PLIN1: variants seen among roughly 807,000 people sequenced by gnomAD.
The protein encoded by PLIN1 is perilipin-1.
A neutral mutation model predicts 45.8 loss-of-function variants in PLIN1; 37 were observed. The observed-to-expected ratio is 0.81, with a 90% CI of 0.62 to 1.06. PLIN1 has a LOEUF of 1.06. Among genes scored for constraint, PLIN1 ranks in the 50% least tolerant of loss-of-function variants. The pLI, the probability that PLIN1 is intolerant of heterozygous loss-of-function variation, is 0.00. For missense variants in PLIN1, 776 were observed against 716.5 expected (o/e 1.08, Z -0.95); for synonymous variants, 340 against 309.2 (o/e 1.10, Z -1.05).
At position 89,671,468 on chromosome 15, in the gene PLIN1, T is replaced by C. The variant is rs1964438675; in HGVS notation, c.333+14A>G. 1.3e-6 allele frequency: 2 copies of C among 1,545,420 alleles called. No individual in the cohort carries two copies. The highest frequency in any genetic ancestry group is 1.8e-6 in the Non-Finnish European group (2 of 1,138,152). On this transcript the variant is annotated intron_variant, in intron 4 of 8. Coordinates refer to ENST00000300055, the MANE Select transcript of PLIN1 (RefSeq NM_002666.5). ...CAGAGTGCAGGGAGGCTTCGAGAGG[T>C]GGGAAGGGCTCACCTTTTCAGGGGG...
At chr15:89,667,256 A>G (rs1043317030) in intron 7 of PLIN1, 75 bp from the exon 8 acceptor site, 15 of 1,581,824 alleles carry the variant, frequency 9.5e-6, no homozygotes, top group African/African-American at 2.7e-5. Flanking sequence ...CCCCAGGGCT[A>G]GAGGGGAAAG....
rs1229501294 is a variant in PLIN1, at chr15:89,673,310, C to T, written c.150G>A (p.Leu50=). The change falls in exon 3 of 9, where the codon CTG becomes CTA. Residue 50 remains leucine (L), a synonymous_variant. Transcript: ENST00000300055. ...CATAGGCATTGCACACAGAGGCCAC[C>T]AGGGGGTGGGCTTCCTTAGTGCTGG... ...TYTSTKEAHP[L]VASVCNAYEK... 6.3e-7 allele frequency: 1 copy of T among 1,590,880 alleles called. No homozygotes were observed. Among genetic ancestry groups the T allele is most frequent in the Admixed American group, 1.8e-5 (1 of 57,070 alleles).
rs184366495 is a variant in PLIN1 at position 89,676,463 on chromosome 15, G to A, written c.45+982C>T. 8.1e-4 allele frequency among the ~76,000 whole-genome samples: 124 copies of A among 152,244 alleles called. No homozygotes were observed. The East Asian group carries it at 0.011, about 13-fold the overall frequency. On this transcript the variant is annotated intron_variant, in intron 2 of 8. Coordinates refer to ENST00000300055, the MANE Select transcript of PLIN1 (RefSeq NM_002666.5). ...GGGGTTTCACTGTGTTAGCCAGGAT[G>A]GTCTTGATCTCCTGACCTTGTGAAC... is the stretch of plus-strand genomic sequence containing the variant.
rs925913292 is a variant in PLIN1, at chr15:89,666,248, C to A, written c.1210-306G>T. ...CAGCTTTCCTAACTCTTCCTTGCAG[C>A]CCACACAGTGACCTGGCCAGGGACC... On this transcript the variant is annotated intron_variant, in intron 8 of 8. Coordinates refer to ENST00000300055, the MANE Select transcript of PLIN1 (RefSeq NM_002666.5). Among the ~76,000 whole-genome samples, 20 of 152,310 alleles carry A rather than the reference C, an allele frequency of 1.3e-4. No individual in the cohort carries two copies. The South Asian group carries it at 2.9e-3, about 22-fold the overall frequency.
At position 89,667,007 on chromosome 15, in the gene PLIN1, C is replaced by T. The variant is rs1463594561; in HGVS notation, c.1138G>A (p.Ala380Thr). Residue 380 changes from alanine (A) to threonine (T), a missense_variant, in exon 8 of 9, where the codon GCC becomes ACC. Physicochemically the swap from Ala to Thr is moderately conservative, Grantham distance 58 (BLOSUM62 0). Transcript: ENST00000300055. The part of the protein sequence containing the change: ...APAVSSTKGR[A>T]MSLSDALKGV... Reference sequence around the variant, plus strand: ...TTCAGGGCATCTGATAGGGACATGGCCCTCCCCTTGGTTGAGGAGACAGCA... The same window carrying T: ...TTCAGGGCATCTGATAGGGACATGGTCCTCCCCTTGGTTGAGGAGACAGCA... The T allele has an allele frequency of 6.2e-6, 10 of 1,614,078 alleles. No individual in the cohort carries two copies. In the African/African-American group the frequency reaches 6.7e-5, roughly 11 times the overall value.
At chr15:89,675,830 C>G (rs533344723) in intron 2 of PLIN1, among the ~76,000 whole-genome samples, 13 of 152,184 alleles carry the variant, frequency 8.5e-5, no homozygotes, top group Admixed American at 2.0e-4. Flanking sequence ...GATCCCACAG[C>G]TGATAAGTGG....
At chr15:89,677,721 C>A in intron 1 of PLIN1, 1 of 575,004 alleles carries the variant, frequency 1.7e-6, no homozygotes. Context: ...CTTGTCAAGA[C>A]TGATGTTTCT....
In PLIN1 at chr15:89,665,563, G is replaced by A. The variant is rs1665915361; in HGVS notation, c.*20C>T. 2.6e-6 allele frequency: 4 copies of A among 1,523,652 alleles called. No homozygotes were observed. The highest frequency in any genetic ancestry group is 2.6e-6 in the Non-Finnish European group (3 of 1,137,540). The allele number at this position is 1,523,652 out of a possible 1,614,324, so 94.4% of individuals were successfully genotyped here. A position where few individuals can be genotyped will look rare whatever the true frequency, so the allele number is the denominator to read the frequency against. ...TTAGAGAAACCCGCCGGCCCGGGGCGCGGCGGCTGGTGCGGCGACTCAGCT... is the reference window on the plus strand; with the variant it reads ...TTAGAGAAACCCGCCGGCCCGGGGCACGGCGGCTGGTGCGGCGACTCAGCT... On this transcript the variant is annotated 3_prime_UTR_variant, in exon 9 of 9. Transcript: ENST00000300055.
At chr15:89,671,632 T>C (rs1162310820) in intron 3 of PLIN1, 68 bp from the exon 4 acceptor site, 4 of 1,184,452 alleles carry the variant, frequency 3.4e-6, no homozygotes, top group Non-Finnish European at 4.9e-6. Context: ...GTGGCTTCTG[T>C]GCCAAGGAAG....
At chr15:89,675,942 T>C (rs1403072667) in intron 2 of PLIN1, among the ~76,000 whole-genome samples, 1 of 152,152 alleles carries the variant, frequency 6.6e-6, no homozygotes, top group Non-Finnish European at 1.5e-5. Flanking sequence ...GAGGCGGGAT[T>C]GGCCACGAAT....
At position 89,673,355 on chromosome 15, in the gene PLIN1, T is replaced by C. The variant is rs200393444; in HGVS notation, c.105A>G (p.Glu35=). The C allele has an allele frequency of 6.2e-7, 1 of 1,602,664 alleles. No homozygotes were observed. The highest frequency in any genetic ancestry group is 8.5e-7 in the Non-Finnish European group (1 of 1,174,478). The change falls in exon 3 of 9, where the codon GAA becomes GAG. Residue 35 remains glutamate, a synonymous_variant. Coordinates refer to ENST00000300055, the MANE Select transcript of PLIN1 (RefSeq NM_002666.5). ...LQLPVVSGTC[E]CFQKTYTSTK... is the part of the protein sequence containing the mutation. Reference sequence around the variant, plus strand: ...TGCTGGTGTAGGTCTTCTGGAAGCATTCGCAGGTGCCACTCACCACCGGCA... The same window carrying C: ...TGCTGGTGTAGGTCTTCTGGAAGCACTCGCAGGTGCCACTCACCACCGGCA...
chr15:89,667,128 C>T lies in PLIN1; in HGVS notation c.1017G>A (p.Leu339=), dbSNP rs537824890. ...AGATGGTGGTCTGGAGGGTCTTCTG[C>T]AGGGTATGTGCCACACCACCCAGGA... The part of the protein sequence containing the change: ...RGLLGGVAHT[L]QKTLQTTISA... Residue 339 remains leucine, a synonymous_variant, in exon 8 of 9, where the codon CTG becomes CTA. Transcript: ENST00000300055. 2.7e-5 allele frequency: 43 copies of T among 1,613,426 alleles called. No individual in the cohort carries two copies. In the South Asian group the frequency reaches 4.1e-4, roughly 15 times the overall value.
At position 89,665,870 on chromosome 15, in the gene PLIN1, G is replaced by T. The variant is rs1261499672; in HGVS notation, c.1282C>A (p.Arg428Ser). ...GACGCTCTGCGCTCCGCCTCCCGGC[G>T]CTCGACCTCGGCTGGTGGGTTGTCG... Reference protein sequence around the residue: ...DIDNPPAEVERREAERRASGA... With the variant: ...DIDNPPAEVESREAERRASGA... The change falls in exon 9 of 9, where the codon CGC becomes AGC. Residue 428 changes from arginine to serine, a missense_variant. Physicochemically the swap from Arg to Ser is moderately radical, Grantham distance 110 (BLOSUM62 -1). Coordinates refer to ENST00000300055, the MANE Select transcript of PLIN1 (RefSeq NM_002666.5). 5.3e-6 allele frequency: 8 copies of T among 1,507,598 alleles called. No homozygotes were observed. The African/African-American group carries it at 1.1e-4, about 22-fold the overall frequency. The allele number at this position is 1,507,598 out of a possible 1,614,324, so 93.4% of individuals were successfully genotyped here.
chr15:89,671,518 C>T lies in PLIN1; in HGVS notation c.297G>A (p.Glu99=), dbSNP rs1487734261. 6.3e-7 allele frequency: 1 copy of T among 1,576,762 alleles called. No homozygotes were observed. The highest frequency in any genetic ancestry group is 8.6e-7 in the Non-Finnish European group (1 of 1,160,758). ...ELACRGLDHL[E]EKIPALQYPP... Reference sequence around the variant, plus strand: ...GGTACTGGAGGGCGGGGATCTTTTCCTCCAGGTGGTCCAAGCCTCGGCAGG... The same window carrying T: ...GGTACTGGAGGGCGGGGATCTTTTCTTCCAGGTGGTCCAAGCCTCGGCAGG... The change falls in exon 4 of 9, where the codon GAG becomes GAA. Residue 99 remains glutamate, a synonymous_variant. Transcript: ENST00000300055.
rs1049647714 is a variant in PLIN1, at chr15:89,667,675, T to C, written c.890A>G (p.Asp297Gly). The C allele has an allele frequency of 1.9e-6, 3 of 1,603,206 alleles. No homozygotes were observed. Among genetic ancestry groups the C allele is most frequent in the East Asian group, 2.3e-5 (1 of 44,362 alleles). ...GTCCTCTCCCTCCGTGTCTGTCTGG[T>C]CCTCATGATCCTCCTCCTGGGCGGC... is the stretch of plus-strand genomic sequence containing the variant. ...LAAAQEEDHE[D>G]QTDTEGEDTE... is the part of the protein sequence containing the mutation. The change falls in exon 7 of 9, where the codon GAC becomes GGC. Residue 297 changes from aspartate (D) to glycine (G), a missense_variant. Coordinates refer to ENST00000300055, the MANE Select transcript of PLIN1 (RefSeq NM_002666.5).
chr15:89,673,329 G>C lies in PLIN1; in HGVS notation c.131C>G (p.Thr44Ser). Residue 44 changes from threonine to serine, a missense_variant, in exon 3 of 9, where the codon ACT becomes AGT. Transcript: ENST00000300055. ...CECFQKTYTSTKEAHPLVASV... is the reference protein window; with the variant it reads ...CECFQKTYTSSKEAHPLVASV... The stretch of plus-strand genomic sequence containing the variant: ...GGCCACCAGGGGGTGGGCTTCCTTA[G>C]TGCTGGTGTAGGTCTTCTGGAAGCA... The C allele has an allele frequency of 6.3e-7, 1 of 1,597,660 alleles. No homozygotes were observed. The highest frequency in any genetic ancestry group is 8.5e-7 in the Non-Finnish European group (1 of 1,171,680).
rs200212820 is a variant in PLIN1, at chr15:89,673,239, T to C, written c.221A>G (p.Glu74Gly). The C allele has an allele frequency of 5.4e-5, 85 of 1,575,048 alleles. No individual in the cohort carries two copies. The highest frequency in any genetic ancestry group is 7.2e-5 in the Non-Finnish European group (84 of 1,159,042). Residue 74 changes from glutamate to glycine, a missense_variant, in exon 3 of 9, where the codon GAG becomes GGG. Glu to Gly is a moderately conservative substitution (Grantham distance 98). Transcript: ENST00000300055. ...GGTGGACAGCCTGCGGACCACCGGC[T>C]CCATGCTCCAGGCAGCCAAGCTACT... ...SASSLAAWSM[E>G]PVVRRLSTQF... is the part of the protein sequence containing the mutation.
intron 1 of PLIN1, among the ~76,000 whole-genome samples, chr15:89,678,647 T>A (rs910859334): frequency 3.9e-5 from 6 of 152,156 alleles, no homozygotes; most frequent in South Asian, 4.1e-4. Flanking sequence ...CTGGGTGCAC[T>A]GGCAAGCACC....
Position 89,669,599 on chromosome 15 carries a change from A to C in PLIN1, c.672T>G (p.Ala224=), listed in dbSNP as rs1175258645. The C allele has an allele frequency of 6.2e-7, 1 of 1,614,018 alleles. No individual in the cohort carries two copies. Among genetic ancestry groups the C allele is most frequent in the Non-Finnish European group, 8.5e-7 (1 of 1,179,932 alleles). Residue 224 remains alanine, a synonymous_variant, in exon 6 of 9, where the codon GCT becomes GCG. Transcript: ENST00000300055. ...TGTATCGAGAGAGGGTGTTGGTCAG[A>C]GCCCCAACCCTGCTCAAGAGGCTTG... is the stretch of plus-strand genomic sequence containing the variant. The part of the protein sequence containing the change: ...AKPSLLSRVG[A]LTNTLSRYTV...
Sources: gnomAD v4.1 joint callset for allele counts (sites outside exome capture counted in the v4.1 genomes callset) on GRCh38, gnomAD v4.1.1 for gene constraint, MANE v1.5 for transcripts, NCBI Gene and HGNC (gene_info 2026-07-23, HGNC 2026-07-21) for gene names.